Variants in ASTN2 observed in about 807,000 individuals in gnomAD.
The protein encoded by ASTN2 is astrotactin-2.
A neutral mutation model predicts 139.8 loss-of-function variants in ASTN2; 54 were observed. The observed-to-expected ratio is 0.39, with a 90% confidence interval of 0.31 to 0.48. The LOEUF is 0.48. ASTN2 is among the 20% of genes least tolerant of loss of function. The probability of loss-of-function intolerance (pLI) is 0.95; values close to 1 mark genes in which losing one functional copy is unlikely to be tolerated. For synonymous variants in ASTN2, 756 were observed against 719.5 expected (o/e 1.05, Z -0.81); for missense variants, 1,565 against 1,725.1 (o/e 0.91, Z 1.64).
intron 4 of ASTN2, among the ~76,000 whole-genome samples, chr9:117,132,596 T>C (rs1829852467): frequency 6.6e-6 from 1 of 152,138 alleles, no homozygotes; most frequent in African/African-American, 2.4e-5. Context: ...ACATACACTT[T>C]CAGGAACACA....
chr9:116,620,426 C>T lies in ASTN2; in HGVS notation c.3090G>A (p.Leu1030=), dbSNP rs1170581137. ...TCCCTGAGCACCAGTAGGAACTCAT[C>T]AGTGCACTCTTGAAGGCCTGGACAA... ...NGTKEAFKSA[L]MSSYWCSGKG... is the part of the protein sequence containing the mutation. The change falls in exon 18 of 23, where the codon CTG becomes CTA. Residue 1030 remains leucine, a synonymous_variant. Transcript: ENST00000313400. The T allele has an allele frequency of 1.3e-5, 21 of 1,613,994 alleles. No individual in the cohort carries two copies. The highest frequency in any genetic ancestry group is 1.7e-5 in the Non-Finnish European group (20 of 1,180,018).
chr9:117,322,313 C>T (rs76072026), intron 1 of ASTN2, among the ~76,000 whole-genome samples: 4 of 152,120 alleles, frequency 2.6e-5, no homozygotes, highest in East Asian at 3.9e-4. Context: ...TTCTTAACAC[C>T]GTGCCCTAGC....
intron 19 of ASTN2, among the ~76,000 whole-genome samples, chr9:116,496,178 A>T (rs1849662981): frequency 6.6e-6 from 1 of 152,096 alleles, no homozygotes; most frequent in African/African-American, 2.4e-5. Context: ...TCATATATTG[A>T]TGGATTGATA....
intron 5 of ASTN2, among the ~76,000 whole-genome samples, chr9:117,092,356 T>A (rs1282718396): frequency 6.6e-6 from 1 of 152,128 alleles, no homozygotes; most frequent in African/African-American, 2.4e-5. Flanking sequence ...TGAGCACTCC[T>A]CTTAAATCTC....
chr9:116,642,779 C>T (rs952380372), intron 17 of ASTN2, among the ~76,000 whole-genome samples: 1 of 152,188 alleles, frequency 6.6e-6, no homozygotes, highest in Admixed American at 6.5e-5. Flanking sequence ...ATAGTTGCTA[C>T]TCTAAGACTC....
intron 1 of ASTN2, among the ~76,000 whole-genome samples, chr9:117,375,644 C>A (rs9792434): frequency 0.068 from 10,361 of 152,258 alleles, 860 homozygotes; most frequent in East Asian, 0.26. Flanking sequence ...GCAGGAGATT[C>A]AAGCTCAAGT....
At chr9:117,398,880 C>G (rs1830748385) in intron 1 of ASTN2, among the ~76,000 whole-genome samples, 1 of 152,192 alleles carries the variant, frequency 6.6e-6, no homozygotes, top group Admixed American at 6.5e-5. Flanking sequence ...CTCCCGGGTT[C>G]AAGCAATTCT....
At chr9:116,464,859 A>G (rs1848604094) in intron 20 of ASTN2, among the ~76,000 whole-genome samples, 1 of 152,218 alleles carries the variant, frequency 6.6e-6, no homozygotes, top group Non-Finnish European at 1.5e-5. Flanking sequence ...CTCACTGATA[A>G]GTAAGTGTGA....
At chr9:117,273,408 T>A (rs1490299336) in intron 2 of ASTN2, among the ~76,000 whole-genome samples, 1 of 152,146 alleles carries the variant, frequency 6.6e-6, no homozygotes, top group Non-Finnish European at 1.5e-5. Context: ...GAGTTTTCCC[T>A]CCTGAACCTC....
At chr9:117,024,063 T>C (rs1837977024) in intron 6 of ASTN2, among the ~76,000 whole-genome samples, 1 of 152,082 alleles carries the variant, frequency 6.6e-6, no homozygotes, top group African/African-American at 2.4e-5. Context: ...CAATTTCCTT[T>C]TGCACAAACC....
chr9:117,266,783 G>A (rs1833947257), intron 2 of ASTN2, among the ~76,000 whole-genome samples: 2 of 152,166 alleles, frequency 1.3e-5, no homozygotes, highest in Non-Finnish European at 2.9e-5. Flanking sequence ...TAAAATTAGT[G>A]GGTATAAACT....
At chr9:116,432,067 G>A (rs1043814049) in intron 22 of ASTN2, among the ~76,000 whole-genome samples, 1 of 152,144 alleles carries the variant, frequency 6.6e-6, no homozygotes, top group Non-Finnish European at 1.5e-5. Flanking sequence ...TTGTTTATTT[G>A]TTTTTAATCT....
intron 16 of ASTN2, among the ~76,000 whole-genome samples, chr9:116,679,592 C>G (rs1309819189): frequency 6.6e-6 from 1 of 152,116 alleles, no homozygotes; most frequent in Non-Finnish European, 1.5e-5. Flanking sequence ...CCTCACCACA[C>G]CACACCTATT....
chr9:117,109,837 C>T (rs914561444), intron 4 of ASTN2, among the ~76,000 whole-genome samples: 2 of 152,160 alleles, frequency 1.3e-5, no homozygotes, highest in East Asian at 1.9e-4. Flanking sequence ...CGGGAGTATT[C>T]TCATGAGTTT....
chr9:116,660,168 G>GCGCACACACA (rs139281552), intron 16 of ASTN2, among the ~76,000 whole-genome samples: 22 of 146,686 alleles, frequency 1.5e-4, no homozygotes, highest in African/African-American at 4.5e-4. Flanking sequence ...TATTGCAAGC[G>GCGCACACACA]CACACACACA....
intron 10 of ASTN2, among the ~76,000 whole-genome samples, chr9:116,950,239 G>A (rs1835520294): frequency 6.6e-6 from 1 of 152,128 alleles, no homozygotes; most frequent in South Asian, 2.1e-4. Context: ...TACCCTCCCA[G>A]GCAAGGCAAC....
intron 21 of ASTN2, among the ~76,000 whole-genome samples, chr9:116,441,224 G>C (rs1238552807): frequency 6.6e-6 from 1 of 151,644 alleles, no homozygotes; most frequent in South Asian, 2.1e-4. Flanking sequence ...AGGTCTGATA[G>C]GTCCCCATTT....
intron 19 of ASTN2, among the ~76,000 whole-genome samples, chr9:116,544,062 G>C (rs528821846): frequency 6.6e-6 from 1 of 152,268 alleles, no homozygotes; most frequent in African/African-American, 2.4e-5. Flanking sequence ...ATTCCCTGCA[G>C]AAACACTTGG....
At chr9:116,881,696 C>T (rs1003953416) in intron 10 of ASTN2, among the ~76,000 whole-genome samples, 10 of 152,180 alleles carry the variant, frequency 6.6e-5, no homozygotes, top group African/African-American at 2.4e-4. Flanking sequence ...AGTGCAATTT[C>T]CCAAAAGATC....
Sources: gnomAD v4.1 joint callset for allele counts (sites outside exome capture counted in the v4.1 genomes callset) on GRCh38, gnomAD v4.1.1 for gene constraint, MANE v1.5 for transcripts, NCBI Gene and HGNC (gene_info 2026-07-23, HGNC 2026-07-21) for gene names.